Variants in UTS2 observed in about 807,000 individuals in gnomAD.
UTS2 encodes the protein urotensin-2.
UTS2 carries 10 observed loss-of-function variants against 12.6 expected under a neutral mutation model. The ratio of observed to expected loss-of-function variants is 0.80; its 90% CI spans 0.49 to 1.35. The LOEUF is 1.35. Among genes scored for constraint, UTS2 ranks in the 40% most tolerant of loss-of-function variants. The pLI is 0.00. For missense variants in UTS2, 142 were observed against 143.2 expected (o/e 0.99, Z 0.04); for synonymous variants, 52 against 50.0 (o/e 1.04, Z -0.17).
upstream of UTS2, among the ~76,000 whole-genome samples, chr1:7,857,631 T>C (rs1638339898): frequency 6.6e-6 from 1 of 152,052 alleles, no homozygotes; most frequent in African/African-American, 2.4e-5. Flanking sequence ...GGCAGGAAGA[T>C]TGCCAAACCC....
At chr1:7,872,096 T>G in the UTS2 span, among the ~76,000 whole-genome samples, 58 of 151,702 alleles carry the variant, frequency 3.8e-4, no homozygotes, top group African/African-American at 1.4e-3. Flanking sequence ...GGTCAAGAGA[T>G]CGAGACCATC....
At chr1:7,885,940 C>G in the UTS2 span, among the ~76,000 whole-genome samples, 2 of 144,686 alleles carry the variant, frequency 1.4e-5, no homozygotes, top group African/African-American at 2.6e-5. Context: ...GAGGTCGGAA[C>G]CCTGGGCCTG....
At chr1:7,870,950 T>G in the UTS2 span, among the ~76,000 whole-genome samples, 1 of 151,956 alleles carries the variant, frequency 6.6e-6, no homozygotes, top group Non-Finnish European at 1.5e-5. Context: ...TGGGCTTGAG[T>G]TGGGTGATTC....
chr1:7,879,485 A>G, the UTS2 span, among the ~76,000 whole-genome samples: 3 of 152,200 alleles, frequency 2.0e-5, no homozygotes, highest in African/African-American at 4.8e-5. Context: ...TCACGCCTGT[A>G]ATCCCAGTAC....
chr1:7,907,874 C>T, the UTS2 span, among the ~76,000 whole-genome samples: 1 of 151,916 alleles, frequency 6.6e-6, no homozygotes, highest in Non-Finnish European at 1.5e-5. Context: ...AAGATTATGG[C>T]TAGTAGGCTG....
In UTS2 at chr1:7,847,675, T is replaced by G; in HGVS notation, c.*91A>C. On this transcript the variant is annotated 3_prime_UTR_variant, in exon 4 of 4. Transcript: ENST00000361696. ...GAACAGGGTGTAGTTTGCCTAGTTT[T>G]TCTCCACACTGTTTTCAAATCAAGC... The G allele has an allele frequency of 3.8e-6, 4 of 1,056,234 alleles. No individual in the cohort carries two copies. The highest frequency in any genetic ancestry group is 2.9e-5 in the South Asian group (2 of 68,858). The allele number at this position is 1,056,234 out of a possible 1,614,324, so 65.4% of individuals were successfully genotyped here.
At chr1:7,862,985 G>A in the UTS2 span, among the ~76,000 whole-genome samples, 3,505 of 73,812 alleles carry the variant, frequency 0.047, 315 homozygotes, top group Middle Eastern at 0.097. Context: ...TATTTATTGT[G>A]TTGTGTTGTA....
At chr1:7,863,670 G>A in the UTS2 span, among the ~76,000 whole-genome samples, 2 of 152,286 alleles carry the variant, frequency 1.3e-5, no homozygotes, top group Admixed American at 1.3e-4. Context: ...CCTGGTGCAT[G>A]GGCTCTGTAT....
chr1:7,878,710 G>C, the UTS2 span, among the ~76,000 whole-genome samples: 4 of 151,848 alleles, frequency 2.6e-5, no homozygotes, highest in African/African-American at 9.7e-5. Flanking sequence ...AAAAAAAAAT[G>C]AGAGAGATAA....
the UTS2 span, among the ~76,000 whole-genome samples, chr1:7,894,386 C>G: frequency 2.6e-5 from 4 of 151,960 alleles, no homozygotes; most frequent in Non-Finnish European, 4.4e-5. Flanking sequence ...GTTGCCCAGG[C>G]TCGTCTCAGA....
the UTS2 span, among the ~76,000 whole-genome samples, chr1:7,863,082 TG>T: frequency 4.9e-4 from 47 of 96,862 alleles, 1 homozygote; most frequent in East Asian, 7.7e-3. Flanking sequence ...TGTATTGTAT[TG>T]TATTGTATTG....
intron 3 of UTS2, 40 bp from the exon 4 acceptor site, chr1:7,847,922 A>AGAT (rs763559104): frequency 4.0e-5 from 56 of 1,386,398 alleles, no homozygotes; most frequent in Non-Finnish European, 4.8e-5. Flanking sequence ...AAAAAAAAAC[A>AGAT]GATAAGTTAC....
At chr1:7,910,227 T>C in the UTS2 span, among the ~76,000 whole-genome samples, 6 of 152,126 alleles carry the variant, frequency 3.9e-5, 2 homozygotes, top group African/African-American at 1.4e-4. Flanking sequence ...CAGAACCCCT[T>C]TTTCCCAAAG....
chr1:7,878,667 C>T, the UTS2 span, among the ~76,000 whole-genome samples: 20 of 151,822 alleles, frequency 1.3e-4, no homozygotes, highest in African/African-American at 4.6e-4. Context: ...AGTTTGTGTC[C>T]AGCCTGGGCA....
the UTS2 span, among the ~76,000 whole-genome samples, chr1:7,872,626 G>C: frequency 6.6e-6 from 1 of 152,194 alleles, no homozygotes; most frequent in Non-Finnish European, 1.5e-5. Context: ...TGCGAAGGCT[G>C]AGAGAGGTGA....
chr1:7,857,179 G>C (rs371982702), upstream of UTS2, among the ~76,000 whole-genome samples: 2 of 131,594 alleles, frequency 1.5e-5, no homozygotes, highest in East Asian at 4.8e-4. Context: ...ATAGCTTCCA[G>C]AATCCCAGGA....
the UTS2 span, among the ~76,000 whole-genome samples, chr1:7,872,384 A>C: frequency 2.4e-4 from 37 of 151,972 alleles, no homozygotes; most frequent in African/African-American, 8.9e-4. Flanking sequence ...TGAAGAAGAC[A>C]TGTTGAAAGC....
the UTS2 span, among the ~76,000 whole-genome samples, chr1:7,885,391 G>A: frequency 6.6e-6 from 1 of 152,120 alleles, no homozygotes; most frequent in Non-Finnish European, 1.5e-5. Context: ...CGGCCCAAAC[G>A]GAGGTTTCAT....
the UTS2 span, among the ~76,000 whole-genome samples, chr1:7,903,814 G>A: frequency 2.0e-5 from 3 of 152,128 alleles, no homozygotes; most frequent in African/African-American, 7.2e-5. Context: ...GAGAAGGGAG[G>A]GAGGGAAGAA....
Sources: allele counts gnomAD v4.1 joint callset (sites outside exome capture counted in the v4.1 genomes callset), GRCh38; gene constraint gnomAD v4.1.1; transcripts MANE v1.5; gene names NCBI Gene and HGNC (gene_info 2026-07-23, HGNC 2026-07-21).